Variants in HOMEZ observed in about 807,000 individuals in gnomAD.
The protein encoded by HOMEZ is homeobox and leucine zipper encoding, also known as homeobox and leucine zipper protein Homez.
A neutral mutation model predicts 50.1 loss-of-function variants in HOMEZ; 20 were observed. The observed-to-expected ratio is 0.40, with a 90% confidence interval of 0.28 to 0.58. The LOEUF is 0.58. Among genes scored for constraint, HOMEZ ranks in the 20% least tolerant of loss-of-function variants. The pLI is 0.46. For synonymous variants in HOMEZ, 239 were observed against 254.7 expected, an observed-to-expected ratio of 0.94 and a Z score of 0.59; for missense variants, 579 against 680.5, an observed-to-expected ratio of 0.85 and a Z score of 1.66.
Position 23,276,218 on chromosome 14 carries a change from T to A in HOMEZ, c.1010A>T (p.His337Leu). 1 of 1,614,022 alleles carries A rather than the reference T, an allele frequency of 6.2e-7. No individual in the cohort carries two copies. The highest frequency in any genetic ancestry group is 8.5e-7 in the Non-Finnish European group (1 of 1,179,894). The change falls in exon 2 of 2, where the codon CAT (histidine) becomes CTT (leucine). Residue 337 changes from histidine to leucine, a missense_variant. By Grantham distance (99) the His-to-Leu change is moderately conservative. Coordinates refer to ENST00000357460, the MANE Select transcript of HOMEZ (RefSeq NM_020834.3). The surrounding 1 kb of genome is among the most constrained non-coding windows in gnomAD (Gnocchi z 4.1). ...GCCAACTCTACCTGGTACTGAGTTATGCCGTAGCCCTTGGGGCCAGGCTGG... is the reference window on the plus strand; with the variant it reads ...GCCAACTCTACCTGGTACTGAGTTAAGCCGTAGCCCTTGGGGCCAGGCTGG... The part of the protein sequence containing the change: ...LEPAWPQGLR[H>L]NSVPGRVGPT...
chr14:23,273,605 A>G lies in HOMEZ; in HGVS notation c.*1970T>C, dbSNP rs1171229735. ...GAATTAAATAGGTTAGCCACTCACA[A>G]GCTGGCCTTAAGCAAAAATACTGGA... On this transcript the variant is annotated 3_prime_UTR_variant, in exon 2 of 2. Transcript: ENST00000357460. 6.6e-6 allele frequency: 1 copy of G among 152,242 alleles called. No homozygotes were observed. Among genetic ancestry groups the G allele is most frequent in the Non-Finnish European group, 1.5e-5 (1 of 68,046 alleles). The allele number at this position is 152,242 out of a possible 1,614,324, so 9.4% of individuals were successfully genotyped here.
At chr14:23,285,829 C>T (rs1412455399) in intron 1 of HOMEZ, 84 bp downstream of exon 1, 1 of 773,054 alleles carries the variant, frequency 1.3e-6, no homozygotes, top group South Asian at 6.6e-5. Flanking sequence ...AATTATCCCC[C>T]CACCAGCGCG....
chr14:23,272,441 C>G lies in HOMEZ; in HGVS notation c.*3134G>C, dbSNP rs186186941. 102 of 256,960 alleles carry G rather than the reference C, an allele frequency of 4.0e-4. No homozygotes were observed. Among genetic ancestry groups the G allele is most frequent in the African/African-American group, 2.4e-3 (100 of 42,322 alleles). The allele number at this position is 256,960 out of a possible 1,614,324, so 15.9% of individuals were successfully genotyped here. On this transcript the variant is annotated 3_prime_UTR_variant, in exon 2 of 2. Coordinates refer to ENST00000357460, the MANE Select transcript of HOMEZ (RefSeq NM_020834.3). ...CTCAAAAAAACAACAAACAAACAAA[C>G]AAACAAACAACCGAAAATGTGAAAA...
rs1387281190 is a variant in HOMEZ, at chr14:23,280,750, T to TTTA, written c.41-3566_41-3564dup. Among the ~76,000 whole-genome samples, 114 of 87,210 alleles carry TTTA rather than the reference T, an allele frequency of 1.3e-3. 2 individuals are homozygous for TTTA. Among genetic ancestry groups the TTTA allele is most frequent in the South Asian group, 0.012 (25 of 2,034 alleles). The allele number at this position is 87,210 out of a possible 152,430, so 57.2% of individuals were successfully genotyped here. On this transcript the variant is annotated intron_variant, in intron 1 of 1. Coordinates refer to ENST00000357460, the MANE Select transcript of HOMEZ (RefSeq NM_020834.3). Reference sequence around the variant, plus strand: ...ATTTTATTTTATTTTATTATTTTATTTTATTTTATTTTATTTTATTTTATT... The same window carrying TTTA: ...ATTTTATTTTATTTTATTATTTTATTTTATTATTTTATTTTATTTTATTTTATT...
chr14:23,276,642 G>C lies in HOMEZ; in HGVS notation c.586C>G (p.Gln196Glu). The C allele has an allele frequency of 6.2e-7, 1 of 1,614,034 alleles. No homozygotes were observed. The highest frequency in any genetic ancestry group is 8.5e-7 in the Non-Finnish European group (1 of 1,179,894). Residue 196 changes from glutamine (Q) to glutamate (E), a missense_variant, in exon 2 of 2, where the codon CAG becomes GAG. Transcript: ENST00000357460. The surrounding 1 kb of genome is among the most constrained non-coding windows in gnomAD (Gnocchi z 4.1). ...EEPSQMPPLPQSHQKLKESLM... is the reference protein window; with the variant it reads ...EEPSQMPPLPESHQKLKESLM... ...GACTCCTTTAATTTCTGGTGACTCT[G>C]TGGCAGTGGTGGCATCTGAGAGGGC...
In HOMEZ at chr14:23,276,732, C is replaced by G. The variant is rs1886371482; in HGVS notation, c.496G>C (p.Gly166Arg). Residue 166 changes from glycine to arginine, a missense_variant, in exon 2 of 2, where the codon GGA becomes CGA. Gly to Arg is a moderately radical substitution (Grantham distance 125, BLOSUM62 -2). Coordinates refer to ENST00000357460, the MANE Select transcript of HOMEZ (RefSeq NM_020834.3). This position sits in a 1 kb window ranked among gnomAD's most constrained non-coding sequence, Gnocchi z 4.1. ...TTGCTAAGAGTTGGAGGACCTATTC[C>G]AATACCAACTTGCTCTGGAGCTGGC... is the stretch of plus-strand genomic sequence containing the variant. ...PVPAPEQVGI[G>R]IGPPTLSKPT... 1.2e-6 allele frequency: 2 copies of G among 1,613,892 alleles called. No individual in the cohort carries two copies.
intron 1 of HOMEZ, among the ~76,000 whole-genome samples, chr14:23,277,556 C>T (rs950413769): frequency 2.0e-5 from 3 of 152,098 alleles, no homozygotes; most frequent in Non-Finnish European, 4.4e-5. Context: ...AGCTTTGATA[C>T]CAGCCTGGGC....
rs1886363017 is a variant in HOMEZ at position 23,276,495 on chromosome 14, T to C, written c.733A>G (p.Thr245Ala). Residue 245 changes from threonine (T) to alanine (A), a missense_variant, in exon 2 of 2, where the codon ACT becomes GCT. Physicochemically the swap from Thr to Ala is moderately conservative, Grantham distance 58 (BLOSUM62 0). Transcript: ENST00000357460. This position sits in a 1 kb window ranked among gnomAD's most constrained non-coding sequence, Gnocchi z 4.1. ...GTTGTGGAGTGGTTCCAGGAAGCAGTACCTATGCCATGTGACTGGTTGGGA... is the reference window on the plus strand; with the variant it reads ...GTTGTGGAGTGGTTCCAGGAAGCAGCACCTATGCCATGTGACTGGTTGGGA... Reference protein sequence around the residue: ...RGPNQSHGIGTASWNHSTTVP... With the variant: ...RGPNQSHGIGAASWNHSTTVP... 1 of 1,613,892 alleles carries C rather than the reference T, an allele frequency of 6.2e-7. No homozygotes were observed. The highest frequency in any genetic ancestry group is 1.7e-5 in the Admixed American group (1 of 60,000).
rs776797809 is a variant in HOMEZ at position 23,275,566 on chromosome 14, G to A, written c.*9C>T. On this transcript the variant is annotated 3_prime_UTR_variant, in exon 2 of 2. Transcript: ENST00000357460. ...TCAGTAACAGACCTCCCCTCCCCCA[G>A]CTCCCCACTCAGTCTTGTATGATCA... 2.6e-6 allele frequency: 4 copies of A among 1,537,118 alleles called. No homozygotes were observed. Among genetic ancestry groups the A allele is most frequent in the Non-Finnish European group, 3.5e-6 (4 of 1,138,524 alleles).
At chr14:23,279,558 G>A (rs1566450357) in intron 1 of HOMEZ, among the ~76,000 whole-genome samples, 3 of 152,188 alleles carry the variant, frequency 2.0e-5, no homozygotes, top group Non-Finnish European at 4.4e-5. Flanking sequence ...ATGAGTCAGG[G>A]TGGAGCAGGT....
Position 23,276,194 on chromosome 14 carries a change from C to T in HOMEZ, c.1034G>A (p.Gly345Asp), listed in dbSNP as rs1406813610. The part of the protein sequence containing the change: ...LRHNSVPGRV[G>D]PTEYLSPDMQ... The stretch of plus-strand genomic sequence containing the variant: ...ATCTGGGGAAAGGTACTCTGTGGGG[C>T]CAACTCTACCTGGTACTGAGTTATG... The change falls in exon 2 of 2, where the codon GGC becomes GAC. Residue 345 changes from glycine (G) to aspartate (D), a missense_variant. Transcript: ENST00000357460. This position sits in a 1 kb window ranked among gnomAD's most constrained non-coding sequence, Gnocchi z 4.1. 6.2e-7 allele frequency: 1 copy of T among 1,613,926 alleles called. No homozygotes were observed. The highest frequency in any genetic ancestry group is 1.1e-5 in the South Asian group (1 of 91,066).
At chr14:23,281,532 T>C (rs1238802050) in intron 1 of HOMEZ, among the ~76,000 whole-genome samples, 1 of 152,168 alleles carries the variant, frequency 6.6e-6, no homozygotes, top group Non-Finnish European at 1.5e-5. Context: ...CTAGGTGTTA[T>C]GCATAGGCAG....
chr14:23,275,641 C>T lies in HOMEZ; in HGVS notation c.1587G>A (p.Glu529=), dbSNP rs371766865. 6.6e-5 allele frequency: 102 copies of T among 1,552,020 alleles called. No individual in the cohort carries two copies. Among genetic ancestry groups the T allele is most frequent in the Non-Finnish European group, 6.2e-5 (71 of 1,143,908 alleles). Residue 529 remains glutamate (E), a synonymous_variant, in exon 2 of 2, where the codon GAG becomes GAA. Coordinates refer to ENST00000357460, the MANE Select transcript of HOMEZ (RefSeq NM_020834.3). ...CTTCCTCCTCCTCCTCCTCCTCTTCCTCATCATCTTCTGGCAGTTCTTCCT... is the reference window on the plus strand; with the variant it reads ...CTTCCTCCTCCTCCTCCTCCTCTTCTTCATCATCTTCTGGCAGTTCTTCCT... ...EEEEELPEDD[E]EEEEEEEEDD...
In HOMEZ at chr14:23,274,366, T is replaced by C. The variant is rs917015246; in HGVS notation, c.*1209A>G. On this transcript the variant is annotated 3_prime_UTR_variant, in exon 2 of 2. Coordinates refer to ENST00000357460, the MANE Select transcript of HOMEZ (RefSeq NM_020834.3). ...TGTAAAACCAAACCTGAAACCTACCTTCACTGCCCTTCAACAAGGAGAAAC... is the reference window on the plus strand; with the variant it reads ...TGTAAAACCAAACCTGAAACCTACCCTCACTGCCCTTCAACAAGGAGAAAC... 1 of 152,620 alleles carries C rather than the reference T, an allele frequency of 6.6e-6. No individual in the cohort carries two copies. The highest frequency in any genetic ancestry group is 1.5e-5 in the Non-Finnish European group (1 of 68,042). 9.5% of individuals were successfully genotyped at this position (152,620 alleles called of 1,614,324 possible). A position where few individuals can be genotyped will look rare whatever the true frequency, so the allele number is the denominator to read the frequency against.
In HOMEZ at chr14:23,272,766, G is replaced by T; in HGVS notation, c.*2809C>A. ...TTCATACAACAGGTCAGAGAGACTT[G>T]CTTGCCCTTTTTGCTGTTATAAACA... On this transcript the variant is annotated 3_prime_UTR_variant, in exon 2 of 2. Transcript: ENST00000357460. 9.2e-7 allele frequency: 1 copy of T among 1,086,178 alleles called. No individual in the cohort carries two copies. 67.3% of individuals were successfully genotyped at this position (1,086,178 alleles called of 1,614,324 possible).
intron 1 of HOMEZ, among the ~76,000 whole-genome samples, chr14:23,282,426 T>C (rs145288357): frequency 4.6e-5 from 7 of 152,240 alleles, no homozygotes; most frequent in African/African-American, 1.4e-4. Flanking sequence ...CCTTTCGCCT[T>C]CCAGGTTCAT....
At position 23,274,400 on chromosome 14, in the gene HOMEZ, C is replaced by T. The variant is rs1342388501; in HGVS notation, c.*1175G>A. 6.6e-6 allele frequency: 1 copy of T among 152,662 alleles called. No homozygotes were observed. The highest frequency in any genetic ancestry group is 1.5e-5 in the Non-Finnish European group (1 of 68,030). The allele number at this position is 152,662 out of a possible 1,614,324, so 9.5% of individuals were successfully genotyped here. Reference sequence around the variant, plus strand: ...CTTCAACAAGGAGAAACTATTCCCTCTCTTTCACCCCTTTGTAACACAATT... The same window carrying T: ...CTTCAACAAGGAGAAACTATTCCCTTTCTTTCACCCCTTTGTAACACAATT... On this transcript the variant is annotated 3_prime_UTR_variant, in exon 2 of 2. Coordinates refer to ENST00000357460, the MANE Select transcript of HOMEZ (RefSeq NM_020834.3).
rs756963804 is a variant in HOMEZ, at chr14:23,275,754, T to G, written c.1474A>C (p.Thr492Pro). The change falls in exon 2 of 2, where the codon ACC (threonine) becomes CCC (proline). Residue 492 changes from threonine to proline, a missense_variant. By Grantham distance (38) the Thr-to-Pro change is conservative (BLOSUM62 -1). Transcript: ENST00000357460. ...TCAAACCAATCCAGCACCTGCTGGG[T>G]GCTAAGCCTTGATGCCTGACTCAAT... is the stretch of plus-strand genomic sequence containing the variant. ...PQLSQASRLSTQQVLDWFDSR... is the reference protein window; with the variant it reads ...PQLSQASRLSPQQVLDWFDSR... 19 of 1,613,680 alleles carry G rather than the reference T, an allele frequency of 1.2e-5. No individual in the cohort carries two copies. The South Asian group carries it at 1.8e-4, about 15-fold the overall frequency.
At position 23,273,812 on chromosome 14, in the gene HOMEZ, G is replaced by A. The variant is rs986054134; in HGVS notation, c.*1763C>T. On this transcript the variant is annotated 3_prime_UTR_variant, in exon 2 of 2. Transcript: ENST00000357460. ...AAATGGAGTTACCTCCAAGACTGTT[G>A]TATCTCTGTTACTCCTGAAGCCTCA... The A allele has an allele frequency of 6.6e-6, 1 of 152,272 alleles. No homozygotes were observed. Among genetic ancestry groups the A allele is most frequent in the African/African-American group, 2.4e-5 (1 of 41,460 alleles). 9.4% of individuals were successfully genotyped at this position (152,272 alleles called of 1,614,324 possible).
Sources: gnomAD v4.1 joint callset for allele counts (sites outside exome capture counted in the v4.1 genomes callset) on GRCh38, gnomAD v4.1.1 for gene constraint, Gnocchi (gnomAD v3.1) non-coding constraint, MANE v1.5 for transcripts, NCBI Gene and HGNC (gene_info 2026-07-23, HGNC 2026-07-21) for gene names.